Variants in TMEM108 observed in about 807,000 individuals in gnomAD.
The protein encoded by TMEM108 is cancer/testis antigen 124.
A neutral mutation model predicts 35.1 loss-of-function variants in TMEM108; 12 were observed. That is an observed-to-expected ratio of 0.34 (90% CI 0.22 to 0.55). The LOEUF (loss-of-function observed/expected upper bound fraction) is 0.55. Among genes scored for constraint, TMEM108 ranks in the 20% least tolerant of loss-of-function variants. The pLI, the probability that TMEM108 is intolerant of heterozygous loss-of-function variation, is 0.89. For synonymous variants in TMEM108, 287 were observed against 308.6 expected (o/e 0.93, Z 0.73); for missense variants, 680 against 753.3 (o/e 0.90, Z 1.14).
At chr3:133,227,626 G>A (rs1417921447) in intron 2 of TMEM108, among the ~76,000 whole-genome samples, 1 of 151,850 alleles carries the variant, frequency 6.6e-6, no homozygotes, top group African/African-American at 2.4e-5. Flanking sequence ...GCCAGGCATG[G>A]TGGCTCACAC....
At chr3:133,395,240 AT>A (rs1279649959) in intron 5 of TMEM108, among the ~76,000 whole-genome samples, 1 of 152,260 alleles carries the variant, frequency 6.6e-6, no homozygotes, top group Non-Finnish European at 1.5e-5. Context: ...ATGCAGATCC[AT>A]TCAGCTCAGC....
intron 2 of TMEM108, among the ~76,000 whole-genome samples, chr3:133,097,652 C>T (rs1944032428): frequency 6.6e-6 from 1 of 152,116 alleles, no homozygotes; most frequent in Admixed American, 6.6e-5. Flanking sequence ...TTTTATTGTT[C>T]TACTGTCTGA....
intron 2 of TMEM108, among the ~76,000 whole-genome samples, chr3:133,099,990 T>C (rs6769432): frequency 0.34 from 51,298 of 151,998 alleles, 8,792 homozygotes; most frequent in Admixed American, 0.41. Context: ...TACTAATTTA[T>C]GGTATTAGTT....
At chr3:133,314,483 A>G (rs2071172177) in intron 3 of TMEM108, among the ~76,000 whole-genome samples, 1 of 152,200 alleles carries the variant, frequency 6.6e-6, no homozygotes, top group African/African-American at 2.4e-5. Context: ...TAATTTTCCT[A>G]GGAACATGCA....
At chr3:133,325,449 G>T (rs1336370300) in intron 3 of TMEM108, among the ~76,000 whole-genome samples, 1 of 152,140 alleles carries the variant, frequency 6.6e-6, no homozygotes, top group African/African-American at 2.4e-5. Context: ...AACACCATCT[G>T]TTCTGCCAAA....
chr3:133,123,428 G>T (rs778016802), intron 2 of TMEM108, among the ~76,000 whole-genome samples: 1 of 152,164 alleles, frequency 6.6e-6, no homozygotes, highest in Non-Finnish European at 1.5e-5. Context: ...CTCCAAAATG[G>T]CTGCCCTAAT....
intron 3 of TMEM108, among the ~76,000 whole-genome samples, chr3:133,370,537 T>G (rs918121418): frequency 7.9e-5 from 12 of 152,212 alleles, no homozygotes; most frequent in African/African-American, 1.9e-4. Context: ...TTTATGAGCT[T>G]CTTCCTTTTA....
intron 3 of TMEM108, among the ~76,000 whole-genome samples, chr3:133,331,672 C>G (rs898556746): frequency 2.0e-5 from 3 of 152,196 alleles, no homozygotes; most frequent in Non-Finnish European, 4.4e-5. Context: ...CTCCCAAGGA[C>G]CCGTACTGAT....
At chr3:133,065,708 C>T (rs555731130) in intron 2 of TMEM108, among the ~76,000 whole-genome samples, 17 of 152,076 alleles carry the variant, frequency 1.1e-4, no homozygotes, top group African/African-American at 2.9e-4. Context: ...TAGTGGTATG[C>T]GCATTTGTAC....
intron 2 of TMEM108, among the ~76,000 whole-genome samples, chr3:133,181,022 A>AAC (rs1401259306): frequency 1.4e-5 from 2 of 144,382 alleles, no homozygotes; most frequent in African/African-American, 5.5e-5. Context: ...AAAAAAAAAA[A>AAC]AAAAAAAAAA....
chr3:133,290,768 A>G (rs1393134737), intron 3 of TMEM108, among the ~76,000 whole-genome samples: 1 of 152,230 alleles, frequency 6.6e-6, no homozygotes, highest in Non-Finnish European at 1.5e-5. Context: ...AATGGCGTGT[A>G]ACTTTTTTTC....
intron 3 of TMEM108, among the ~76,000 whole-genome samples, chr3:133,367,387 CT>C (rs886413720): frequency 6.6e-6 from 1 of 152,184 alleles, no homozygotes; most frequent in Non-Finnish European, 1.5e-5. Flanking sequence ...GAGAAGAAAG[CT>C]TTTTAATTCC....
chr3:133,140,248 AT>A (rs1265315254), intron 2 of TMEM108, among the ~76,000 whole-genome samples: 1 of 152,154 alleles, frequency 6.6e-6, no homozygotes, highest in Admixed American at 6.6e-5. Context: ...TTATTTTACA[AT>A]TCTGACTTCA....
chr3:133,176,592 A>G (rs552257890), intron 2 of TMEM108, among the ~76,000 whole-genome samples: 1 of 152,304 alleles, frequency 6.6e-6, no homozygotes, highest in South Asian at 2.1e-4. Context: ...AAATGAAGGC[A>G]GAAATAAAGA....
chr3:133,055,431 C>G (rs947623343), intron 2 of TMEM108, among the ~76,000 whole-genome samples: 1 of 152,202 alleles, frequency 6.6e-6, no homozygotes, highest in African/African-American at 2.4e-5. Flanking sequence ...TCTGCTCTCT[C>G]CAGGGTATAG....
chr3:133,229,382 A>G, intron 3 of TMEM108, 31 bp downstream of exon 3: 1 of 1,606,484 alleles, frequency 6.2e-7, no homozygotes, highest in Non-Finnish European at 8.5e-7. Context: ...TTCTTTCCTA[A>G]AATATACTAA....
chr3:133,143,044 TAAAA>T (rs1282172394), intron 2 of TMEM108, among the ~76,000 whole-genome samples: 1 of 152,150 alleles, frequency 6.6e-6, no homozygotes, highest in African/African-American at 2.4e-5. Context: ...TCCATGCTGA[TAAAA>T]TTGTGTATGT....
chr3:133,266,062 C>A (rs1946692475), intron 3 of TMEM108, among the ~76,000 whole-genome samples: 1 of 152,142 alleles, frequency 6.6e-6, no homozygotes, highest in Non-Finnish European at 1.5e-5. Context: ...ATATTCAGAT[C>A]TCTTTTTGCC....
chr3:133,248,621 A>G (rs1237181824), intron 3 of TMEM108: 2 of 152,232 alleles, frequency 1.3e-5, no homozygotes, highest in East Asian at 3.8e-4. Flanking sequence ...TAAAACAAAC[A>G]GTAGCAGGAT....
Sources: allele counts gnomAD v4.1 joint callset (sites outside exome capture counted in the v4.1 genomes callset), GRCh38; gene constraint gnomAD v4.1.1; transcripts MANE v1.5; gene names NCBI Gene and HGNC (gene_info 2026-07-23, HGNC 2026-07-21).